ZNF385B: variants seen among roughly 807,000 people sequenced by gnomAD.
The protein encoded by ZNF385B is zinc finger protein 385B.
Under a neutral mutation model 39.2 loss-of-function variants are expected in ZNF385B, and 23 were observed. That is an observed-to-expected ratio of 0.59 (90% confidence interval 0.42 to 0.83). The LOEUF (loss-of-function observed/expected upper bound fraction) is 0.83, where lower values mean the gene tolerates loss of function less well. Ranked by LOEUF, ZNF385B falls within the 40% of genes least tolerant of loss-of-function variation. The pLI is 0.00. For missense variants in ZNF385B, 552 were observed against 598.9 expected (o/e 0.92, Z 0.82); for synonymous variants, 205 against 222.6 (o/e 0.92, Z 0.70).
chr2:179,731,465 T>C (rs17823881), intron 3 of ZNF385B, among the ~76,000 whole-genome samples: 13,935 of 152,312 alleles, frequency 0.091, 718 homozygotes, highest in Non-Finnish European at 0.11. Flanking sequence ...TTTGTGGTGC[T>C]TCTTTCAAAA....
intron 3 of ZNF385B, among the ~76,000 whole-genome samples, chr2:179,727,996 G>A (rs1191354686): frequency 6.6e-6 from 1 of 152,038 alleles, no homozygotes; most frequent in South Asian, 2.1e-4. Flanking sequence ...AGATGTTTCT[G>A]TAGAACATCA....
At chr2:179,460,201 C>T (rs113739485) in intron 6 of ZNF385B, among the ~76,000 whole-genome samples, 2 of 152,216 alleles carry the variant, frequency 1.3e-5, no homozygotes, top group African/African-American at 4.8e-5. Context: ...AAAGAGTCAG[C>T]TCAGGCCTAT....
intron 3 of ZNF385B, chr2:179,583,991 G>A: frequency 8.0e-7 from 1 of 1,255,992 alleles, no homozygotes; most frequent in South Asian, 1.2e-5. Flanking sequence ...TCTGCCATGT[G>A]CCAAACAACC....
At chr2:179,742,816 G>A (rs1702158795) in intron 3 of ZNF385B, among the ~76,000 whole-genome samples, 1 of 151,980 alleles carries the variant, frequency 6.6e-6, no homozygotes, top group Admixed American at 6.6e-5. Flanking sequence ...AAACAGGTTT[G>A]TATCTGCTAT....
At chr2:179,642,223 C>T (rs1468361298) in intron 3 of ZNF385B, among the ~76,000 whole-genome samples, 2 of 152,172 alleles carry the variant, frequency 1.3e-5, no homozygotes, top group Non-Finnish European at 2.9e-5. Context: ...CTTCTACCTT[C>T]AGATATTTAA....
rs1309038011 is a variant in ZNF385B at position 179,478,660 on chromosome 2, A to C, written c.715+4612T>G. On this transcript the variant is annotated intron_variant, in intron 6 of 9. Coordinates refer to ENST00000410066, the MANE Select transcript of ZNF385B (RefSeq NM_152520.6). ...AGGCTGTTTAGCTCTAAGTAGCTTT[A>C]CATACTTTAAACTAGAAATGTCATT... is the stretch of plus-strand genomic sequence containing the variant. Among the ~76,000 whole-genome samples, 8 of 152,238 alleles carry C rather than the reference A, an allele frequency of 5.3e-5. No individual in the cohort carries two copies. The South Asian group carries it at 1.4e-3, about 28-fold the overall frequency.
At chr2:179,783,623 A>C (rs772230777) in intron 1 of ZNF385B, among the ~76,000 whole-genome samples, 8 of 152,192 alleles carry the variant, frequency 5.3e-5, no homozygotes, top group Admixed American at 1.3e-4. Context: ...AAGGAATTTA[A>C]ACAAATTTAC....
At chr2:179,506,844 T>A (rs753370024) in intron 5 of ZNF385B, among the ~76,000 whole-genome samples, 1 of 152,208 alleles carries the variant, frequency 6.6e-6, no homozygotes, top group African/African-American at 2.4e-5. Flanking sequence ...GTGTCAGATA[T>A]GTTAGGTATA....
In ZNF385B at chr2:179,712,956, T is replaced by A. The variant is rs539989397; in HGVS notation, c.298+56547A>T. On this transcript the variant is annotated intron_variant, in intron 3 of 9. Coordinates refer to ENST00000410066, the MANE Select transcript of ZNF385B (RefSeq NM_152520.6). Reference sequence around the variant, plus strand: ...TTTCTGGGCTAGTAATATGCAGCACTATACCCTTTCGTGAGGCTGGGCAAC... The same window carrying A: ...TTTCTGGGCTAGTAATATGCAGCACAATACCCTTTCGTGAGGCTGGGCAAC... Among the ~76,000 whole-genome samples the A allele has an allele frequency of 3.9e-5, 6 of 152,322 alleles. 1 individual carries two copies. The South Asian group carries it at 1.2e-3, about 32-fold the overall frequency.
intron 3 of ZNF385B, among the ~76,000 whole-genome samples, chr2:179,595,509 T>C (rs1687920949): frequency 6.6e-6 from 1 of 152,130 alleles, no homozygotes; most frequent in Admixed American, 6.6e-5. Context: ...GTGGTGATGC[T>C]TCCTAATGGT....
chr2:179,558,802 G>A (rs2061128916), intron 3 of ZNF385B, among the ~76,000 whole-genome samples: 1 of 152,160 alleles, frequency 6.6e-6, no homozygotes, highest in Non-Finnish European at 1.5e-5. Flanking sequence ...CAGCAAATAA[G>A]CCATTCTCAC....
intron 3 of ZNF385B, chr2:179,745,867 C>T (rs890087507): frequency 1.8e-5 from 23 of 1,309,238 alleles, no homozygotes; most frequent in African/African-American, 6.1e-5. Context: ...GACAGCACCA[C>T]GTTATATCAG....
At chr2:179,825,357 A>G (rs753469707) in intron 1 of ZNF385B, among the ~76,000 whole-genome samples, 11 of 152,156 alleles carry the variant, frequency 7.2e-5, no homozygotes, top group Non-Finnish European at 1.3e-4. Flanking sequence ...TTTGAGTGAC[A>G]GATATCAAAA....
rs1345282310 is a variant in ZNF385B, at chr2:179,443,259, A to T, written c.1452T>A (p.Ala484=). Residue 484 remains alanine, a synonymous_variant, in exon 10 of 10, where the codon GCT becomes GCA. Transcript: ENST00000410066. ...TTGGGGTTTGCAGACGTTAGTACGG[A>T]GCAAAGAGGATGGAGGCAGGAGTGG... ...IRATPASILF[A]PY is the part of the protein sequence containing the mutation. 3 of 1,612,176 alleles carry T rather than the reference A, an allele frequency of 1.9e-6. No homozygotes were observed. Among genetic ancestry groups the T allele is most frequent in the Non-Finnish European group, 2.5e-6 (3 of 1,180,022 alleles).
At chr2:179,525,111 C>G (rs1165627575) in intron 4 of ZNF385B, among the ~76,000 whole-genome samples, 8 of 152,134 alleles carry the variant, frequency 5.3e-5, no homozygotes. Context: ...GGCATTCAAA[C>G]ACAGGTAGGA....
At chr2:179,777,662 TA>T (rs1460248572) in intron 1 of ZNF385B, among the ~76,000 whole-genome samples, 41 of 152,230 alleles carry the variant, frequency 2.7e-4, no homozygotes, top group South Asian at 2.1e-4. Context: ...AAAGATGAAT[TA>T]AAAGCAAAAG....
At chr2:179,855,506 T>C (rs930360533) in intron 1 of ZNF385B, among the ~76,000 whole-genome samples, 1 of 152,240 alleles carries the variant, frequency 6.6e-6, no homozygotes, top group Non-Finnish European at 1.5e-5. Context: ...AATCCATCTC[T>C]GCTATTTATG....
chr2:179,663,659 G>A (rs889460998), intron 3 of ZNF385B, among the ~76,000 whole-genome samples: 5 of 130,022 alleles, frequency 3.8e-5, no homozygotes, highest in African/African-American at 1.4e-4. Context: ...GCAGTGAGCC[G>A]AGATCGCGCC....
In ZNF385B at chr2:179,605,796, C is replaced by T. The variant is rs1332006320; in HGVS notation, c.299-60827G>A. Among the ~76,000 whole-genome samples the T allele has an allele frequency of 6.6e-5, 10 of 152,078 alleles. 1 individual carries two copies. The highest frequency in any genetic ancestry group is 5.9e-4 in the Admixed American group (9 of 15,264). ...TATCTCAAGTGAATTAACCAGCTTT[C>T]ACTATCAAAGATTAACAGGATTAGA... On this transcript the variant is annotated intron_variant, in intron 3 of 9. Coordinates refer to ENST00000410066, the MANE Select transcript of ZNF385B (RefSeq NM_152520.6).
Sources: allele counts gnomAD v4.1 joint callset (sites outside exome capture counted in the v4.1 genomes callset), GRCh38; gene constraint gnomAD v4.1.1; transcripts MANE v1.5; gene names NCBI Gene and HGNC (gene_info 2026-07-23, HGNC 2026-07-21).